Variants in MYO5A observed in about 807,000 individuals in gnomAD.
MYO5A encodes myosin VA, also known as unconventional myosin-Va.
In MYO5A, 98 loss-of-function variants were observed where a neutral mutation model predicts 249.7. The ratio of observed to expected loss-of-function variants is 0.39; its 90% CI spans 0.33 to 0.46. The LOEUF is 0.46. MYO5A is among the 20% of genes least tolerant of loss of function. MYO5A has a pLI of 0.98. For missense variants in MYO5A, 1,696 were observed against 2,308.8 expected (o/e 0.73, Z 5.44); for synonymous variants, 778 against 810.6 (o/e 0.96, Z 0.68).
intron 18 of MYO5A, among the ~76,000 whole-genome samples, chr15:52,378,731 T>C (rs977231178): frequency 2.6e-5 from 4 of 152,056 alleles, no homozygotes; most frequent in African/African-American, 7.2e-5. Flanking sequence ...AGTGAAAATA[T>C]TATTTTAAAA....
chr15:52,436,066 T>C (rs1189768473), intron 1 of MYO5A, among the ~76,000 whole-genome samples: 1 of 152,180 alleles, frequency 6.6e-6, no homozygotes, highest in Non-Finnish European at 1.5e-5. Context: ...TACAGGTGCC[T>C]GCCACCACAC....
chr15:52,513,444 GGC>G, intron 1 of MYO5A, among the ~76,000 whole-genome samples: 1 of 134,702 alleles, frequency 7.4e-6, no homozygotes, highest in Non-Finnish European at 1.6e-5. Context: ...AAAAAAAAAA[GGC>G]ATAGTTTTGC....
intron 1 of MYO5A, among the ~76,000 whole-genome samples, chr15:52,507,736 C>T (rs1040951317): frequency 4.1e-5 from 6 of 144,586 alleles, no homozygotes; most frequent in African/African-American, 1.1e-4. Flanking sequence ...CCTGAGAGGT[C>T]GAGGCTGCAG....
At chr15:52,416,641 G>T (rs951668768) in intron 4 of MYO5A, among the ~76,000 whole-genome samples, 1 of 152,094 alleles carries the variant, frequency 6.6e-6, no homozygotes. Context: ...GTGTGGGGGA[G>T]ATCTGTGCAG....
chr15:52,444,705 C>T (rs182078516), intron 1 of MYO5A, among the ~76,000 whole-genome samples: 3 of 152,298 alleles, frequency 2.0e-5, no homozygotes, highest in Non-Finnish European at 4.4e-5. Flanking sequence ...AACACTTGTT[C>T]TCAATGTAGA....
rs1053750325 is a variant in MYO5A, at chr15:52,339,162, G to A, written c.4239+1034C>T. 2.0e-5 allele frequency among the ~76,000 whole-genome samples: 3 copies of A among 152,028 alleles called. No individual in the cohort carries two copies. In the East Asian group the frequency reaches 5.8e-4, roughly 29 times the overall value. On this transcript the variant is annotated intron_variant, in intron 32 of 41. Transcript: ENST00000399233. Reference sequence around the variant, plus strand: ...GTGAAAAAGAATACCTTTGCGTTTTGCTTCTAATTCATATAAAAGATGGTT... The same window carrying A: ...GTGAAAAAGAATACCTTTGCGTTTTACTTCTAATTCATATAAAAGATGGTT...
chr15:52,491,968 G>A (rs190442750), intron 1 of MYO5A, among the ~76,000 whole-genome samples: 131 of 152,306 alleles, frequency 8.6e-4, no homozygotes, highest in Non-Finnish European at 1.7e-3. Context: ...TACAATAAGT[G>A]TCAACCAGTT....
At chr15:52,459,147 A>ATTTTTTTTTTTTTTTTTTTTTTT (rs531798708) in intron 1 of MYO5A, among the ~76,000 whole-genome samples, 20 of 64,288 alleles carry the variant, frequency 3.1e-4, no homozygotes, top group Non-Finnish European at 4.2e-4. Flanking sequence ...TTTTCCAGAA[A>ATTTTTTTTTTTTTTTTTTTTTTT]TTTTTTTTTT....
At chr15:52,475,323 C>G (rs1451315131) in intron 1 of MYO5A, among the ~76,000 whole-genome samples, 2 of 151,968 alleles carry the variant, frequency 1.3e-5, no homozygotes, top group Non-Finnish European at 2.9e-5. Flanking sequence ...TTTTGTTGAC[C>G]TTTTCAAAAA....
chr15:52,327,833 T>C lies in MYO5A; in HGVS notation c.4710+19A>G. The C allele has an allele frequency of 6.2e-7, 1 of 1,605,100 alleles. No homozygotes were observed. Among genetic ancestry groups the C allele is most frequent in the Non-Finnish European group, 8.5e-7 (1 of 1,171,892 alleles). ...TCATTAACAATTCATGATGAGAATT[T>C]TGTTGAACAGGAACTGACCTTCAAT... is the stretch of plus-strand genomic sequence containing the variant. On this transcript the variant is annotated intron_variant, in intron 36 of 41. Coordinates refer to ENST00000399233, the MANE Select transcript of MYO5A (RefSeq NM_001382347.1).
At chr15:52,410,247 T>G in intron 6 of MYO5A, 86 bp downstream of exon 6, 4 of 1,431,246 alleles carry the variant, frequency 2.8e-6, no homozygotes, top group Non-Finnish European at 3.9e-6. Context: ...AAGAGTATCT[T>G]GAAATAAAAT....
chr15:52,332,377 A>G (rs2140963661), intron 34 of MYO5A, among the ~76,000 whole-genome samples: 1 of 152,318 alleles, frequency 6.6e-6, no homozygotes, highest in Non-Finnish European at 1.5e-5. Flanking sequence ...AATTTCAGAG[A>G]TGTTGAAATG....
intron 1 of MYO5A, among the ~76,000 whole-genome samples, chr15:52,495,599 A>G (rs113023601): frequency 4.6e-5 from 7 of 152,348 alleles, no homozygotes; most frequent in African/African-American, 1.7e-4. Flanking sequence ...AGCTTGATTT[A>G]GGTATTCCAT....
chr15:52,455,676 T>C (rs1040281310), intron 1 of MYO5A, among the ~76,000 whole-genome samples: 1 of 151,952 alleles, frequency 6.6e-6, no homozygotes, highest in Non-Finnish European at 1.5e-5. Context: ...TCAATAAATG[T>C]AATACATCAC....
chr15:52,401,072 A>G (rs1016120428), intron 9 of MYO5A, among the ~76,000 whole-genome samples: 1 of 116,726 alleles, frequency 8.6e-6, no homozygotes, highest in African/African-American at 3.0e-5. Context: ...GATTCTCATA[A>G]GCTTTTTTTT....
chr15:52,470,084 G>A (rs938920329), intron 1 of MYO5A, among the ~76,000 whole-genome samples: 2 of 152,162 alleles, frequency 1.3e-5, no homozygotes, highest in Non-Finnish European at 2.9e-5. Context: ...CTTTCACAGC[G>A]TTTTCTATAA....
chr15:52,321,096 T>C (rs2038285827), intron 38 of MYO5A, among the ~76,000 whole-genome samples: 1 of 151,990 alleles, frequency 6.6e-6, no homozygotes, highest in East Asian at 1.9e-4. Context: ...TAAAATTCAA[T>C]GCATTCAACT....
At chr15:52,362,092 G>C (rs1415662112) in intron 24 of MYO5A, among the ~76,000 whole-genome samples, 1 of 152,102 alleles carries the variant, frequency 6.6e-6, no homozygotes, top group Non-Finnish European at 1.5e-5. Context: ...TATATTCCCT[G>C]GACAACCGAA....
intron 22 of MYO5A, among the ~76,000 whole-genome samples, chr15:52,367,778 T>C (rs2040882989): frequency 6.6e-6 from 1 of 151,904 alleles, no homozygotes; most frequent in Non-Finnish European, 1.5e-5. Context: ...AAATAAGCAT[T>C]GACATTACAA....
Sources: allele counts gnomAD v4.1 joint callset (sites outside exome capture counted in the v4.1 genomes callset), GRCh38; gene constraint gnomAD v4.1.1; transcripts MANE v1.5; gene names NCBI Gene and HGNC (gene_info 2026-07-23, HGNC 2026-07-21).